Variants in ACLY observed in about 807,000 individuals in gnomAD.
ACLY encodes the protein ATP-citrate synthase.
ACLY carries 41 observed loss-of-function variants against 133.0 expected under a neutral mutation model. The observed-to-expected ratio is 0.31, with a 90% confidence interval of 0.24 to 0.40. The LOEUF (loss-of-function observed/expected upper bound fraction) is 0.40. Among genes scored for constraint, ACLY ranks in the 10% least tolerant of loss-of-function variants. The pLI, the probability that ACLY is intolerant of heterozygous loss-of-function variation, is 1.00. For synonymous variants in ACLY, 495 were observed against 549.3 expected (o/e 0.90, Z 1.38); for missense variants, 1,046 against 1,453.8 (o/e 0.72, Z 4.56).
At chr17:41,875,966 T>G (rs1555626048) in intron 22 of ACLY, among the ~76,000 whole-genome samples, 1 of 149,278 alleles carries the variant, frequency 6.7e-6, no homozygotes, top group East Asian at 2.0e-4. Context: ...GGAGCGTCTC[T>G]GCCCGGCCGC....
At position 41,867,735 on chromosome 17, in the gene ACLY, G is replaced by T; in HGVS notation, c.*75C>A. On this transcript the variant is annotated 3_prime_UTR_variant, in exon 29 of 29. Transcript: ENST00000352035. Reference sequence around the variant, plus strand: ...CCTGCTAAATAAAGCAGGCTCCACTGCCAGCTGTCTGTACACTTTTTCTTG... The same window carrying T: ...CCTGCTAAATAAAGCAGGCTCCACTTCCAGCTGTCTGTACACTTTTTCTTG... The T allele has an allele frequency of 8.0e-7, 1 of 1,246,562 alleles. No homozygotes were observed. Among genetic ancestry groups the T allele is most frequent in the Non-Finnish European group, 1.1e-6 (1 of 886,884 alleles). The allele number at this position is 1,246,562 out of a possible 1,614,324, so 77.2% of individuals were successfully genotyped here.
intron 25 of ACLY, among the ~76,000 whole-genome samples, chr17:41,870,982 T>C (rs1426012949): frequency 1.3e-5 from 2 of 152,244 alleles, no homozygotes; most frequent in African/African-American, 4.8e-5. Flanking sequence ...GAATGAGACA[T>C]AAACCTTTGC....
chr17:41,901,669 G>A (rs1555631627), intron 11 of ACLY, 27 bp downstream of exon 11: 3 of 1,588,218 alleles, frequency 1.9e-6, no homozygotes, highest in East Asian at 2.3e-5. Flanking sequence ...CTCAGGGTGA[G>A]GGGGAGAGAA....
upstream of ACLY, among the ~76,000 whole-genome samples, chr17:41,921,479 G>GAAAAAAAAAAAAAAAAAAAAAAA (rs782660866): frequency 4.7e-5 from 2 of 42,408 alleles, no homozygotes; most frequent in Non-Finnish European, 9.6e-5. Flanking sequence ...CCCTGTCTCA[G>GAAAAAAAAAAAAAAAAAAAAAAA]AAAAAAAAAA....
chr17:41,875,455 C>CCCTCTCCCTCTCCCCACGGTCTG (rs2048715065), intron 22 of ACLY, among the ~76,000 whole-genome samples: 1 of 152,082 alleles, frequency 6.6e-6, no homozygotes, highest in Non-Finnish European at 1.5e-5. Flanking sequence ...CCCACGGTCT[C>CCCTCTCCCTCTCCCCACGGTCTG]CCTCTCCCTC....
At chr17:41,876,372 G>A (rs1415624218) in intron 22 of ACLY, among the ~76,000 whole-genome samples, 4 of 152,126 alleles carry the variant, frequency 2.6e-5, no homozygotes, top group African/African-American at 9.7e-5. Flanking sequence ...ACTGGGAAGT[G>A]AGGAGCCCCT....
At chr17:41,869,735 T>C (rs1245198688) in intron 25 of ACLY, 148 bp from the exon 26 acceptor site, 19 of 624,654 alleles carry the variant, frequency 3.0e-5, no homozygotes, top group South Asian at 1.5e-4. Flanking sequence ...GTGGCACCAA[T>C]TGTGCTAATG....
At chr17:41,915,017 A>C (rs2050014799) in intron 1 of ACLY, among the ~76,000 whole-genome samples, 2 of 152,166 alleles carry the variant, frequency 1.3e-5, no homozygotes, top group Admixed American at 1.3e-4. Context: ...AATAATAAGC[A>C]AGGTTATGAC....
At chr17:41,903,542 C>T (rs546209883) in intron 10 of ACLY, among the ~76,000 whole-genome samples, 8 of 152,074 alleles carry the variant, frequency 5.3e-5, no homozygotes, top group Admixed American at 4.6e-4. Flanking sequence ...ATCATGAGGT[C>T]AGGAGGTCGA....
chr17:41,898,926 C>T, intron 11 of ACLY, 141 bp from the exon 12 acceptor site: 1 of 835,490 alleles, frequency 1.2e-6, no homozygotes, highest in Non-Finnish European at 1.8e-6. Context: ...GACAAATCAG[C>T]TGTCATAATT....
Position 41,912,509 on chromosome 17 carries a change from G to T in ACLY, c.193C>A (p.Arg65Ser). 6.2e-7 allele frequency: 1 copy of T among 1,614,224 alleles called. No homozygotes were observed. Among genetic ancestry groups the T allele is most frequent in the Non-Finnish European group, 8.5e-7 (1 of 1,180,022 alleles). Reference protein sequence around the residue: ...LVVKPDQLIKRRGKLGLVGVN... With the variant: ...LVVKPDQLIKSRGKLGLVGVN... Reference sequence around the variant, plus strand: ...CCAACGAGACCAAGTTTTCCACGACGTTTGATCAGCTGGTCTGGCTTGACT... The same window carrying T: ...CCAACGAGACCAAGTTTTCCACGACTTTTGATCAGCTGGTCTGGCTTGACT... Residue 65 changes from arginine to serine, a missense_variant, in exon 3 of 29, where the codon CGT (arginine) becomes AGT (serine). By Grantham distance (110) the Arg-to-Ser change is moderately radical (BLOSUM62 -1). Coordinates refer to ENST00000352035, the MANE Select transcript of ACLY (RefSeq NM_001096.3).
intron 11 of ACLY, among the ~76,000 whole-genome samples, chr17:41,901,327 CCTG>C (rs1179558895): frequency 6.6e-6 from 1 of 152,084 alleles, no homozygotes; most frequent in Admixed American, 6.5e-5. Flanking sequence ...TCTCCCTTTC[CCTG>C]CTTTGTTTTC....
At position 41,883,142 on chromosome 17, in the gene ACLY, C is replaced by T; in HGVS notation, c.2245G>A (p.Ala749Thr). The change falls in exon 20 of 29, where the codon GCC becomes ACC. Residue 749 changes from alanine to threonine, a missense_variant. Physicochemically the swap from Ala to Thr is moderately conservative, Grantham distance 58. Around this residue, in one of 4 missense-constraint regions of ACLY, gnomAD observed 575 missense variants for 804.2 expected, o/e 0.71. Transcript: ENST00000352035. ...CATACCTCAGAGGAGAACATGGTGG[C>T]ACACGTCCCGATGCACCAGCAGACG... ...PIVCWCIGTC[A>T]TMFSSEVQFG... The T allele has an allele frequency of 6.2e-7, 1 of 1,613,984 alleles. No individual in the cohort carries two copies. Among genetic ancestry groups the T allele is most frequent in the Non-Finnish European group, 8.5e-7 (1 of 1,180,006 alleles).
At chr17:41,918,276 C>G (rs1555634828) in intron 1 of ACLY, among the ~76,000 whole-genome samples, 1 of 152,240 alleles carries the variant, frequency 6.6e-6, no homozygotes, top group African/African-American at 2.4e-5. Flanking sequence ...CTGCGAGATT[C>G]CAGTCCTCGC....
intron 13 of ACLY, 70 bp from the exon 14 acceptor site, chr17:41,896,719 G>T: frequency 7.0e-7 from 1 of 1,420,482 alleles, no homozygotes; most frequent in Non-Finnish European, 9.5e-7. Context: ...GGAGAGGGTG[G>T]GAACAGGGAA....
exon 1 of ACLY, chr17:41,930,427 G>A (rs1242457070): frequency 1.5e-5 from 5 of 328,524 alleles, no homozygotes; most frequent in Non-Finnish European, 2.3e-5. Context: ...TGTCTTACAA[G>A]GGAGCCTTTT....
Position 41,879,647 on chromosome 17 carries a change from CAAAAAAAAAAAAAAAAAAAAAA to C in ACLY, c.2266-745_2266-724del, listed in dbSNP as rs558056100. 1.4e-3 allele frequency among the ~76,000 whole-genome samples: 48 copies of C among 34,230 alleles called. 1 individual carries two copies. The highest frequency in any genetic ancestry group is 5.5e-3 in the African/African-American group (37 of 6,774). The allele number at this position is 34,230 out of a possible 152,430, so 22.5% of individuals were successfully genotyped here. A position where few individuals can be genotyped will look rare whatever the true frequency, so the allele number is the denominator to read the frequency against. ...GGGTGATAAGAGCAAGACTCCGTCT[CAAAAAAAAAAAAAAAAAAAAAA>C]AAAAAAAAAAAAAAAAAAGAAGTGC... On this transcript the variant is annotated intron_variant, in intron 20 of 28. Coordinates refer to ENST00000352035, the MANE Select transcript of ACLY (RefSeq NM_001096.3).
rs1159819396 is a variant in ACLY at position 41,878,934 on chromosome 17, A to G, written c.2266-10T>C. On this transcript the variant is annotated splice_polypyrimidine_tract_variant and intron_variant, in intron 20 of 28. Transcript: ENST00000352035. The stretch of plus-strand genomic sequence containing the variant: ...CATGGCCAAACTGGACCTGGAAAGC[A>G]AAGGAAAGTAGCTTTACTGCTAATC... The G allele has an allele frequency of 8.1e-6, 13 of 1,613,910 alleles. No homozygotes were observed. The highest frequency in any genetic ancestry group is 1.6e-4 in the Middle Eastern group (1 of 6,082).
intron 14 of ACLY, 47 bp from the exon 15 acceptor site, chr17:41,893,221 G>A (rs781930003): frequency 3.8e-6 from 6 of 1,567,550 alleles, no homozygotes; most frequent in Non-Finnish European, 5.2e-6. Flanking sequence ...CATACCCCCA[G>A]GAGACCTGCA....
Sources: gnomAD v4.1 joint callset for allele counts (sites outside exome capture counted in the v4.1 genomes callset) on GRCh38, gnomAD v4.1.1 for gene constraint, gnomAD v4.1.1 regional missense constraint, MANE v1.5 for transcripts, NCBI Gene and HGNC (gene_info 2026-07-23, HGNC 2026-07-21) for gene names.